Variants in ENTPD7 observed in about 807,000 individuals in gnomAD.
ENTPD7 encodes the protein ectonucleoside triphosphate diphosphohydrolase 7, also known as NTPDase 7.
Under a neutral mutation model 77.9 loss-of-function variants are expected in ENTPD7, and 53 were observed. That is an observed-to-expected ratio of 0.68 (90% CI 0.55 to 0.85). ENTPD7 has a LOEUF of 0.85. Among genes scored for constraint, ENTPD7 ranks in the 40% least tolerant of loss-of-function variants. The pLI is 0.00. For missense variants in ENTPD7, 636 were observed against 743.7 expected (o/e 0.86, Z 1.68); for synonymous variants, 248 against 274.9 (o/e 0.90, Z 0.97).
chr10:99,704,751 T>C lies in ENTPD7; in HGVS notation c.*68T>C. On this transcript the variant is annotated 3_prime_UTR_variant, in exon 13 of 13. Coordinates refer to ENST00000370489, the MANE Select transcript of ENTPD7 (RefSeq NM_020354.5). ...TGCTCATTGAATTCCTCCACTTTCT[T>C]ATATAGCCTCAGATGCTGTGATGTC... 6.5e-6 allele frequency: 9 copies of C among 1,393,854 alleles called. No individual in the cohort carries two copies. The highest frequency in any genetic ancestry group is 8.9e-6 in the Non-Finnish European group (9 of 1,006,002). The allele number at this position is 1,393,854 out of a possible 1,614,324, so 86.3% of individuals were successfully genotyped here.
chr10:99,671,043 A>AT (rs2035614246), intron 3 of ENTPD7, among the ~76,000 whole-genome samples: 1 of 151,896 alleles, frequency 6.6e-6, no homozygotes, highest in South Asian at 2.1e-4. Context: ...AATAATAATA[A>AT]AATAAATTGT....
At chr10:99,678,928 A>G (rs2133458736) in intron 3 of ENTPD7, among the ~76,000 whole-genome samples, 1 of 150,142 alleles carries the variant, frequency 6.7e-6, no homozygotes, top group East Asian at 1.9e-4. Context: ...AAAACTTAAT[A>G]GCATATAACA....
chr10:99,673,949 G>A (rs948846097), intron 3 of ENTPD7, among the ~76,000 whole-genome samples: 8 of 152,196 alleles, frequency 5.3e-5, no homozygotes, highest in African/African-American at 1.9e-4. Context: ...AGAAACTTAT[G>A]GTCTAAACAG....
intron 2 of ENTPD7, chr10:99,660,378 A>G (rs1020883594): frequency 3.0e-5 from 35 of 1,162,252 alleles, no homozygotes; most frequent in Non-Finnish European, 3.4e-5. Flanking sequence ...ACACTTATCC[A>G]TACATTATAA....
intron 3 of ENTPD7, 86 bp from the exon 4 acceptor site, chr10:99,679,172 AATG>A (rs2035720484): frequency 2.3e-6 from 3 of 1,280,194 alleles, no homozygotes; most frequent in Non-Finnish European, 3.3e-6. Flanking sequence ...GTAGGCACTT[AATG>A]AAGATTCATG....
intron 3 of ENTPD7, among the ~76,000 whole-genome samples, chr10:99,672,652 A>T (rs1315345288): frequency 6.6e-6 from 1 of 152,132 alleles, no homozygotes; most frequent in Non-Finnish European, 1.5e-5. Flanking sequence ...TAAATTATAG[A>T]TGTTCCTGAC....
In ENTPD7 at chr10:99,688,692, AG is replaced by A; in HGVS notation, c.655del. 6.2e-7 allele frequency: 1 copy of A among 1,613,864 alleles called. No homozygotes were observed. The highest frequency in any genetic ancestry group is 1.1e-5 in the South Asian group (1 of 91,066). ...GTGAGGGCTTTTCTGTTTCTTACTT[AG>A]GGGTTTATGCATGGATTGGAATCAA... is the stretch of plus-strand genomic sequence containing the variant. On this transcript the variant is annotated splice_acceptor_variant, in intron 6 of 12. Transcript: ENST00000370489. LOFTEE classifies it high-confidence loss of function.
chr10:99,700,894 T>C (rs774745061), intron 10 of ENTPD7, 79 bp from the exon 11 acceptor site: 1 of 1,171,110 alleles, frequency 8.5e-7, no homozygotes, highest in South Asian at 1.3e-5. Context: ...ACTTTAGAAA[T>C]GGAACAGCTG....
intron 2 of ENTPD7, among the ~76,000 whole-genome samples, chr10:99,660,878 C>T (rs199569931): frequency 1.9e-4 from 29 of 151,120 alleles, no homozygotes; most frequent in Non-Finnish European, 3.2e-4. Context: ...GCTGAGATTG[C>T]GCTACTACAC....
chr10:99,693,243 C>A (rs1053501612), intron 8 of ENTPD7, among the ~76,000 whole-genome samples: 3 of 152,202 alleles, frequency 2.0e-5, no homozygotes, highest in Non-Finnish European at 4.4e-5. Context: ...GAGCGTCTAT[C>A]TGGTCTTCTA....
intron 5 of ENTPD7, among the ~76,000 whole-genome samples, chr10:99,680,292 A>G (rs1255164519): frequency 6.6e-6 from 1 of 152,142 alleles, no homozygotes; most frequent in Admixed American, 6.5e-5. Context: ...TGCAAAGCTC[A>G]GTCTCCATTG....
chr10:99,708,852 T>G lies in ENTPD7; in HGVS notation c.*4169T>G. The G allele has an allele frequency of 3.2e-5, 32 of 985,440 alleles. No homozygotes were observed. Among genetic ancestry groups the G allele is most frequent in the Non-Finnish European group, 3.9e-5 (32 of 829,918 alleles). 61.0% of individuals were successfully genotyped at this position (985,440 alleles called of 1,614,324 possible). A position where few individuals can be genotyped will look rare whatever the true frequency, so the allele number is the denominator to read the frequency against. Reference sequence around the variant, plus strand: ...AACTACTTTGTCAGCTACAATGAAATGCTCATTAACAGAATCTTTCTGCAA... The same window carrying G: ...AACTACTTTGTCAGCTACAATGAAAGGCTCATTAACAGAATCTTTCTGCAA... On this transcript the variant is annotated 3_prime_UTR_variant, in exon 13 of 13. Coordinates refer to ENST00000370489, the MANE Select transcript of ENTPD7 (RefSeq NM_020354.5).
chr10:99,709,279 C>T lies in ENTPD7; in HGVS notation c.*4596C>T. ...TTCTTTTTGTTGTCTTTAAACTTTT[C>T]AAATTAATTCAAAACTAGTATCTAA... On this transcript the variant is annotated 3_prime_UTR_variant, in exon 13 of 13. Coordinates refer to ENST00000370489, the MANE Select transcript of ENTPD7 (RefSeq NM_020354.5). The T allele has an allele frequency of 1.0e-6, 1 of 985,314 alleles. No homozygotes were observed. The highest frequency in any genetic ancestry group is 1.2e-6 in the Non-Finnish European group (1 of 829,894). 61.0% of individuals were successfully genotyped at this position (985,314 alleles called of 1,614,324 possible).
intron 3 of ENTPD7, among the ~76,000 whole-genome samples, chr10:99,672,680 T>C (rs2035631365): frequency 6.6e-6 from 1 of 152,166 alleles, no homozygotes. Flanking sequence ...ATTAATCTTG[T>C]TAGGAGGCAA....
Position 99,698,631 on chromosome 10 carries a change from G to A in ENTPD7, c.1108G>A (p.Val370Ile). ...AGATGTGGTGGAGAGGAACAGCCAAGTCTTACATGTCCGAGGAAGAGGAGA... is the reference window on the plus strand; with the variant it reads ...AGATGTGGTGGAGAGGAACAGCCAAATCTTACATGTCCGAGGAAGAGGAGA... ...LTDVVERNSQ[V>I]LHVRGRGDWV... is the part of the protein sequence containing the mutation. The change falls in exon 10 of 13, where the codon GTC (valine) becomes ATC (isoleucine). Residue 370 changes from valine (V) to isoleucine (I), a missense_variant. Transcript: ENST00000370489. 6.2e-7 allele frequency: 1 copy of A among 1,614,232 alleles called. No individual in the cohort carries two copies.
At position 99,704,740 on chromosome 10, in the gene ENTPD7, CTCCACTTTCTTA is replaced by C; in HGVS notation, c.*59_*70del. On this transcript the variant is annotated 3_prime_UTR_variant, in exon 13 of 13. Coordinates refer to ENST00000370489, the MANE Select transcript of ENTPD7 (RefSeq NM_020354.5). ...CCCCGAGTTGCTGCTCATTGAATTC[CTCCACTTTCTTA>C]TATAGCCTCAGATGCTGTGATGTCT... 1 of 1,478,420 alleles carries C rather than the reference CTCCACTTTCTTA, an allele frequency of 6.8e-7. No homozygotes were observed. The highest frequency in any genetic ancestry group is 9.3e-7 in the Non-Finnish European group (1 of 1,078,538). The allele number at this position is 1,478,420 out of a possible 1,614,324, so 91.6% of individuals were successfully genotyped here.
rs1268361064 is a variant in ENTPD7 at position 99,710,453 on chromosome 10, C to T, written c.*5770C>T. On this transcript the variant is annotated 3_prime_UTR_variant, in exon 13 of 13. Transcript: ENST00000370489. ...AGACATCTTTTTATTATGATCTACA[C>T]TTTAAAAAACCAAAGGCTGCCTGTA... 8 of 985,188 alleles carry T rather than the reference C, an allele frequency of 8.1e-6. No individual in the cohort carries two copies. In the Admixed American group the frequency reaches 4.9e-4, roughly 61 times the overall value. 61.0% of individuals were successfully genotyped at this position (985,188 alleles called of 1,614,324 possible).
At chr10:99,697,318 A>G (rs2036003116) in intron 9 of ENTPD7, 1 of 153,598 alleles carries the variant, frequency 6.5e-6, no homozygotes, top group Admixed American at 6.5e-5. Context: ...AGGCACCATG[A>G]TGTTTGAAGA....
intron 11 of ENTPD7, 94 bp downstream of exon 11, chr10:99,701,152 G>A: frequency 9.0e-7 from 1 of 1,106,778 alleles, no homozygotes. Flanking sequence ...TAGATTTCAT[G>A]TTGAGGGAGC....
Sources: gnomAD v4.1 joint callset for allele counts (sites outside exome capture counted in the v4.1 genomes callset) on GRCh38, gnomAD v4.1.1 for gene constraint, MANE v1.5 for transcripts, NCBI Gene and HGNC (gene_info 2026-07-23, HGNC 2026-07-21) for gene names.